TMEM132D: variants seen among roughly 807,000 people sequenced by gnomAD.
TMEM132D encodes the protein mature OL transmembrane protein.
In TMEM132D, 21 loss-of-function variants were observed where a neutral mutation model predicts 62.3. The observed-to-expected ratio is 0.34, with a 90% CI of 0.24 to 0.49. The LOEUF (loss-of-function observed/expected upper bound fraction) is 0.49, where lower values mean the gene tolerates loss of function less well. TMEM132D is among the 20% of genes least tolerant of loss of function. The pLI, the probability that TMEM132D is intolerant of heterozygous loss-of-function variation, is 0.99. For missense variants in TMEM132D, 1,346 were observed against 1,402.8 expected (o/e 0.96, Z 0.65); for synonymous variants, 621 against 575.6 (o/e 1.08, Z -1.13).
chr12:129,102,058 C>A (rs1182333801), intron 5 of TMEM132D, among the ~76,000 whole-genome samples: 1 of 151,116 alleles, frequency 6.6e-6, no homozygotes, highest in East Asian at 2.0e-4. Context: ...TCTGTGACAG[C>A]CTAGACACTT....
chr12:129,649,758 A>T (rs1879872999), intron 2 of TMEM132D, among the ~76,000 whole-genome samples: 1 of 152,012 alleles, frequency 6.6e-6, no homozygotes, highest in Non-Finnish European at 1.5e-5. Context: ...ATATATACAC[A>T]TATGTATGTG....
rs965400856 is a variant in TMEM132D at position 129,074,676 on chromosome 12, T to G, written c.2499A>C (p.Glu833Asp). 2 of 1,614,000 alleles carry G rather than the reference T, an allele frequency of 1.2e-6. No individual in the cohort carries two copies. The highest frequency in any genetic ancestry group is 2.7e-5 in the African/African-American group (2 of 74,914). ...AGTACTGTCCTTCCTGACTCCCCCA[T>G]TCCTGCGAGGGTTTTTTGGGCCTTC... ...SDRRPKKPSQ[E>D]WGSQEGQYYG... The change falls in exon 9 of 9, where the codon GAA (glutamate) becomes GAC (aspartate). Residue 833 changes from glutamate to aspartate, a missense_variant. By Grantham distance (45) the Glu-to-Asp change is conservative. Transcript: ENST00000422113.
At chr12:129,656,339 G>A (rs1351363125) in intron 2 of TMEM132D, among the ~76,000 whole-genome samples, 1 of 152,096 alleles carries the variant, frequency 6.6e-6, no homozygotes, top group African/African-American at 2.4e-5. Context: ...AAAGAATGGA[G>A]GGCTTGAGGT....
At position 129,152,350 on chromosome 12, in the gene TMEM132D, C is replaced by T. The variant is rs1284156325; in HGVS notation, c.1443+57170G>A. On this transcript the variant is annotated intron_variant, in intron 5 of 8. Transcript: ENST00000422113. ...CAGCCTGGGTTTTAACAAAGCAGAG[C>T]CCCAGGTCCATCTCATCTCCAATTT... 3.3e-5 allele frequency among the ~76,000 whole-genome samples: 5 copies of T among 152,300 alleles called. No individual in the cohort carries two copies. The South Asian group carries it at 6.2e-4, about 19-fold the overall frequency.
In TMEM132D at chr12:129,670,149, C is replaced by T. The variant is rs553920542; in HGVS notation, c.968+29661G>A. On this transcript the variant is annotated intron_variant, in intron 2 of 8. Transcript: ENST00000422113. ...TGAAAGAGATCTAACTTAACCGACT[C>T]CACCTTGCTTCTAACCTCCAAGCTG... 1.5e-3 allele frequency among the ~76,000 whole-genome samples: 228 copies of T among 152,294 alleles called. 1 individual carries two copies. The highest frequency in any genetic ancestry group is 5.1e-3 in the African/African-American group (210 of 41,556).
intron 2 of TMEM132D, among the ~76,000 whole-genome samples, chr12:129,692,125 A>T (rs950482648): frequency 1.3e-5 from 2 of 152,148 alleles, no homozygotes; most frequent in Non-Finnish European, 2.9e-5. Flanking sequence ...GAAGACATTC[A>T]AGAAAAAACA....
chr12:129,707,533 C>G (rs1881536054), intron 1 of TMEM132D, among the ~76,000 whole-genome samples: 1 of 152,132 alleles, frequency 6.6e-6, no homozygotes, highest in African/African-American at 2.4e-5. Context: ...TATAGAATAT[C>G]TTATTTTTGT....
chr12:129,280,283 GGAGT>G (rs1371523486), intron 4 of TMEM132D, among the ~76,000 whole-genome samples: 7 of 152,132 alleles, frequency 4.6e-5, no homozygotes, highest in Non-Finnish European at 1.0e-4. Context: ...TTTCATAAAA[GGAGT>G]GAAAGACTGG....
intron 1 of TMEM132D, among the ~76,000 whole-genome samples, chr12:129,738,558 A>G (rs1271353482): frequency 3.9e-5 from 6 of 152,228 alleles, no homozygotes; most frequent in Non-Finnish European, 8.8e-5. Context: ...ACATGAAAAC[A>G]TTCATGTGGC....
chr12:129,718,393 G>A (rs938312532), intron 1 of TMEM132D, among the ~76,000 whole-genome samples: 12 of 152,200 alleles, frequency 7.9e-5, no homozygotes, highest in Admixed American at 5.9e-4. Flanking sequence ...ACGAGCTGAC[G>A]CCTAACAAAA....
chr12:129,171,015 G>T (rs554757250), intron 5 of TMEM132D, among the ~76,000 whole-genome samples: 1 of 152,094 alleles, frequency 6.6e-6, no homozygotes. Flanking sequence ...TTCCTTTCAT[G>T]AATGACTTCT....
chr12:129,617,504 G>A lies in TMEM132D; in HGVS notation c.968+82306C>T, dbSNP rs567780957. ...AACAACAGAAATGTCTTACTGTTCC[G>A]GGGGCTGGAAGTTTCAGATGTGGCA... On this transcript the variant is annotated intron_variant, in intron 2 of 8. Transcript: ENST00000422113. 2.4e-4 allele frequency among the ~76,000 whole-genome samples: 37 copies of A among 152,254 alleles called. 1 individual carries two copies. In the South Asian group the frequency reaches 3.9e-3, roughly 16 times the overall value.
chr12:129,839,001 G>T (rs181482147), intron 1 of TMEM132D, among the ~76,000 whole-genome samples: 366 of 150,304 alleles, frequency 2.4e-3, no homozygotes, highest in Non-Finnish European at 3.8e-3. Flanking sequence ...GCCCAGACTG[G>T]AGTGCAGTGG....
At chr12:129,304,172 A>G (rs749126979) in intron 4 of TMEM132D, among the ~76,000 whole-genome samples, 7 of 152,244 alleles carry the variant, frequency 4.6e-5, no homozygotes, top group Non-Finnish European at 8.8e-5. Context: ...GTCTGTAAGC[A>G]GAGTCATTGA....
rs1023810850 is a variant in TMEM132D, at chr12:129,835,585, C to T, written c.79+67676G>A. On this transcript the variant is annotated intron_variant, in intron 1 of 8. Transcript: ENST00000422113. ...GGATTACAGGCGTGAGCTACCACACCGAGCCTGTGCATGAGGTTTTAAAAA... is the reference window on the plus strand; with the variant it reads ...GGATTACAGGCGTGAGCTACCACACTGAGCCTGTGCATGAGGTTTTAAAAA... Among the ~76,000 whole-genome samples, 116 of 152,062 alleles carry T rather than the reference C, an allele frequency of 7.6e-4. 4 individuals are homozygous for T. The highest frequency in any genetic ancestry group is 5.9e-5 in the Non-Finnish European group (4 of 68,014).
At chr12:129,294,139 TAGAAC>T (rs1881513804) in intron 4 of TMEM132D, among the ~76,000 whole-genome samples, 1 of 152,220 alleles carries the variant, frequency 6.6e-6, no homozygotes, top group African/African-American at 2.4e-5. Context: ...TTTATATAAT[TAGAAC>T]AGAGGGAAGT....
At chr12:129,580,449 G>A (rs1877816441) in intron 2 of TMEM132D, among the ~76,000 whole-genome samples, 1 of 152,120 alleles carries the variant, frequency 6.6e-6, no homozygotes, top group East Asian at 1.9e-4. Flanking sequence ...AGGAAGGTTT[G>A]GTGGAATCTA....
chr12:129,531,243 G>A (rs746760716), intron 2 of TMEM132D, 38 bp from the exon 3 acceptor site: 1 of 1,569,822 alleles, frequency 6.4e-7, no homozygotes, highest in Admixed American at 1.8e-5. Flanking sequence ...AGTCAGCTCT[G>A]GGGAATCCCC....
intron 8 of TMEM132D, among the ~76,000 whole-genome samples, chr12:129,077,727 GAC>G (rs1874316092): frequency 6.6e-6 from 1 of 151,122 alleles, no homozygotes. Context: ...ACAACAAATA[GAC>G]ACATGCAATG....
Sources: allele counts gnomAD v4.1 joint callset (sites outside exome capture counted in the v4.1 genomes callset), GRCh38; gene constraint gnomAD v4.1.1; transcripts MANE v1.5; gene names NCBI Gene and HGNC (gene_info 2026-07-23, HGNC 2026-07-21).